Variants in BRMS1L observed in about 807,000 individuals in gnomAD.
BRMS1L encodes breast cancer metastasis-suppressor 1-like protein.
In BRMS1L, 23 loss-of-function variants were observed where a neutral mutation model predicts 50.3. That is an observed-to-expected ratio of 0.46 (90% confidence interval 0.33 to 0.65). BRMS1L has a LOEUF of 0.65. Ranked by LOEUF, BRMS1L falls within the 30% of genes least tolerant of loss-of-function variation. The pLI, the probability that BRMS1L is intolerant of heterozygous loss-of-function variation, is 0.02. For missense variants in BRMS1L, 286 were observed against 386.1 expected (o/e 0.74, Z 2.17); for synonymous variants, 114 against 126.9 (o/e 0.90, Z 0.69).
chr14:35,860,352 G>T (rs533559523), intron 4 of BRMS1L, among the ~76,000 whole-genome samples: 6 of 151,876 alleles, frequency 4.0e-5, no homozygotes, highest in Non-Finnish European at 8.8e-5. Context: ...TGGCCAGGCT[G>T]GTTTTGAACT....
At chr14:35,850,348 C>T (rs1460020861) in intron 4 of BRMS1L, among the ~76,000 whole-genome samples, 1 of 151,872 alleles carries the variant, frequency 6.6e-6, no homozygotes, top group African/African-American at 2.4e-5. Flanking sequence ...GCTGGGATTA[C>T]AGGCATGCAC....
At chr14:35,832,349 C>CAAAAAAAAAA (rs869067604) in intron 2 of BRMS1L, among the ~76,000 whole-genome samples, 5 of 61,592 alleles carry the variant, frequency 8.1e-5, no homozygotes, top group Non-Finnish European at 2.4e-4. Flanking sequence ...CTAAAAAATA[C>CAAAAAAAAAA]AAAAAAAAAA....
At chr14:35,838,034 C>T (rs1182236298) in intron 4 of BRMS1L, among the ~76,000 whole-genome samples, 1 of 152,108 alleles carries the variant, frequency 6.6e-6, no homozygotes, top group Non-Finnish European at 1.5e-5. Context: ...GCCCTCCACC[C>T]TCCCACAGGC....
At chr14:35,858,424 G>T (rs78429311) in intron 4 of BRMS1L, among the ~76,000 whole-genome samples, 3,337 of 152,188 alleles carry the variant, frequency 0.022, 129 homozygotes, top group South Asian at 0.14. Context: ...TTCTCCTTAA[G>T]TTTGGTAGAG....
chr14:35,848,626 A>C (rs564974523), intron 4 of BRMS1L, among the ~76,000 whole-genome samples: 1 of 151,738 alleles, frequency 6.6e-6, no homozygotes, highest in Non-Finnish European at 1.5e-5. Context: ...CCCACTGCCC[A>C]CTCCCACATT....
At chr14:35,856,377 C>T (rs780790052) in intron 4 of BRMS1L, among the ~76,000 whole-genome samples, 2 of 152,120 alleles carry the variant, frequency 1.3e-5, no homozygotes, top group African/African-American at 4.8e-5. Context: ...TAAGATCTGA[C>T]GGCAGGTGGT....
At chr14:35,851,365 C>T (rs1368413912) in intron 4 of BRMS1L, among the ~76,000 whole-genome samples, 4 of 132,252 alleles carry the variant, frequency 3.0e-5, no homozygotes, top group African/African-American at 9.0e-5. Context: ...TTCCAGATGT[C>T]TAAACAAAAA....
intron 4 of BRMS1L, among the ~76,000 whole-genome samples, chr14:35,842,863 G>A (rs1320309912): frequency 6.6e-6 from 1 of 151,860 alleles, no homozygotes; most frequent in African/African-American, 2.4e-5. Context: ...TTCCTTGGAG[G>A]GTTTGTTTGT....
rs201438441 is a variant in BRMS1L at position 35,858,021 on chromosome 14, A to AG, written c.442-4569_442-4568insG. ...AATGGACTCAAGAAAAGTAAAAAAA[A>AG]AAAAAAAAGCACTGGACCTCTCATA... On this transcript the variant is annotated intron_variant, in intron 4 of 9. Transcript: ENST00000216807. Among the ~76,000 whole-genome samples, 221 of 152,090 alleles carry AG rather than the reference A, an allele frequency of 1.5e-3. 2 individuals carry two copies. In the East Asian group the frequency reaches 0.026, roughly 18 times the overall value.
intron 5 of BRMS1L, among the ~76,000 whole-genome samples, chr14:35,863,102 A>C (rs80258087): frequency 2.7e-5 from 4 of 146,164 alleles, no homozygotes; most frequent in South Asian, 4.3e-4. Context: ...TCTTGTCTCC[A>C]AAAAAAAAAA....
At chr14:35,845,874 A>G (rs142538849) in intron 4 of BRMS1L, among the ~76,000 whole-genome samples, 3 of 152,058 alleles carry the variant, frequency 2.0e-5, no homozygotes, top group Non-Finnish European at 2.9e-5. Flanking sequence ...TCCCATCTCA[A>G]CCTCCCGAGT....
At chr14:35,853,421 A>G (rs556784376) in intron 4 of BRMS1L, among the ~76,000 whole-genome samples, 5 of 150,618 alleles carry the variant, frequency 3.3e-5, no homozygotes, top group South Asian at 2.1e-4. Context: ...TGATGATGAT[A>G]ATGATGATTT....
intron 4 of BRMS1L, chr14:35,858,500 G>T (rs1475240997): frequency 6.6e-6 from 1 of 152,154 alleles, no homozygotes; most frequent in Non-Finnish European, 1.5e-5. Context: ...TTCTTGTATT[G>T]CTTGTCTATT....
chr14:35,846,394 TAAAAAAA>T (rs556829031), intron 4 of BRMS1L, among the ~76,000 whole-genome samples: 110 of 121,704 alleles, frequency 9.0e-4, no homozygotes, highest in African/African-American at 3.2e-3. Context: ...AGATCCTGTC[TAAAAAAA>T]AAAAAAAAGA....
At chr14:35,859,807 G>A (rs2078326787) in intron 4 of BRMS1L, among the ~76,000 whole-genome samples, 1 of 151,950 alleles carries the variant, frequency 6.6e-6, no homozygotes. Context: ...ACGCTGCCAT[G>A]CTTAGCTAAT....
intron 1 of BRMS1L, chr14:35,829,780 A>G: frequency 8.8e-7 from 1 of 1,130,920 alleles, no homozygotes; most frequent in Admixed American, 2.7e-5. Flanking sequence ...AACATGATTT[A>G]ACTCTTTCTC....
chr14:35,847,966 T>G (rs941605052), intron 4 of BRMS1L, among the ~76,000 whole-genome samples: 1 of 152,212 alleles, frequency 6.6e-6, no homozygotes, highest in African/African-American at 2.4e-5. Context: ...TGTGGGTATT[T>G]AGGTTGTTTC....
intron 4 of BRMS1L, among the ~76,000 whole-genome samples, chr14:35,836,532 C>T (rs923217142): frequency 3.3e-5 from 5 of 152,066 alleles, no homozygotes; most frequent in Middle Eastern, 3.4e-3. Flanking sequence ...TGTAGAGAAG[C>T]GGTTCCACTA....
At chr14:35,835,107 A>T (rs1298036081) in intron 4 of BRMS1L, among the ~76,000 whole-genome samples, 184 bp downstream of exon 4, 1 of 152,170 alleles carries the variant, frequency 6.6e-6, no homozygotes, top group Admixed American at 6.5e-5. Context: ...TAGGACACAA[A>T]GAAAGGACCA....
Sources: allele counts gnomAD v4.1 joint callset (sites outside exome capture counted in the v4.1 genomes callset), GRCh38; gene constraint gnomAD v4.1.1; transcripts MANE v1.5; gene names NCBI Gene and HGNC (gene_info 2026-07-23, HGNC 2026-07-21).